SNX29: variants seen among roughly 807,000 people sequenced by gnomAD.
The protein encoded by SNX29 is sorting nexin 29, also known as sorting nexin-29.
In SNX29, 78 loss-of-function variants were observed where a neutral mutation model predicts 102.1. That is an observed-to-expected ratio of 0.76 (90% CI 0.64 to 0.92). The LOEUF (loss-of-function observed/expected upper bound fraction) is 0.92, where lower values mean the gene tolerates loss of function less well. Among genes scored for constraint, SNX29 ranks in the 40% least tolerant of loss-of-function variants. The probability of loss-of-function intolerance (pLI) is 0.00; values close to 1 mark genes in which losing one functional copy is unlikely to be tolerated. For synonymous variants in SNX29, 580 were observed against 414.5 expected, an observed-to-expected ratio of 1.40 and a Z score of -4.85; for missense variants, 1,280 against 1,061.7, an observed-to-expected ratio of 1.21 and a Z score of -2.86.
At chr16:12,233,417 A>G (rs980237715) in intron 14 of SNX29, among the ~76,000 whole-genome samples, 3 of 151,942 alleles carry the variant, frequency 2.0e-5, no homozygotes, top group Admixed American at 6.5e-5. Flanking sequence ...GATGCTAACA[A>G]TAGACACTGG....
intron 18 of SNX29, among the ~76,000 whole-genome samples, chr16:12,472,670 C>G (rs1348874617): frequency 6.6e-6 from 1 of 152,060 alleles, no homozygotes; most frequent in African/African-American, 2.4e-5. Flanking sequence ...CGCTCTTCAT[C>G]TTCTAAAAGA....
At chr16:12,349,505 A>G (rs1436966563) in intron 15 of SNX29, among the ~76,000 whole-genome samples, 1 of 152,256 alleles carries the variant, frequency 6.6e-6, no homozygotes, top group African/African-American at 2.4e-5. Context: ...AAGTCAGCAT[A>G]TTTTGAGTGC....
intron 19 of SNX29, among the ~76,000 whole-genome samples, chr16:12,520,921 G>A (rs556736512): frequency 1.3e-5 from 2 of 152,280 alleles, no homozygotes; most frequent in South Asian, 2.1e-4. Context: ...GTTCAAGGCC[G>A]GGTGCAGTAG....
At chr16:12,054,291 C>G (rs1360108077) in intron 8 of SNX29, among the ~76,000 whole-genome samples, 2 of 152,190 alleles carry the variant, frequency 1.3e-5, no homozygotes, top group Admixed American at 6.5e-5. Context: ...TTTCATGTTT[C>G]TACTTAATTA....
intron 14 of SNX29, among the ~76,000 whole-genome samples, chr16:12,210,325 CT>C (rs5815673): frequency 0.58 from 81,768 of 141,760 alleles, 26,316 homozygotes; most frequent in Non-Finnish European, 0.72. Context: ...GTTCCCTCCA[CT>C]TTTTTTTTTT....
At chr16:12,560,320 TAATGCTGGG>T (rs2078651065) in intron 20 of SNX29, among the ~76,000 whole-genome samples, 1 of 152,000 alleles carries the variant, frequency 6.6e-6, no homozygotes, top group Non-Finnish European at 1.5e-5. Context: ...CATGAAAAAA[TAATGCTGGG>T]TTTACCGAAG....
intron 4 of SNX29, among the ~76,000 whole-genome samples, chr16:12,032,752 G>A (rs1391795942): frequency 6.6e-6 from 1 of 151,894 alleles, no homozygotes; most frequent in Non-Finnish European, 1.5e-5. Context: ...CCATCAGAGG[G>A]TTTTCCATAG....
At chr16:12,182,782 A>C (rs2141845122) in intron 13 of SNX29, among the ~76,000 whole-genome samples, 1 of 152,062 alleles carries the variant, frequency 6.6e-6, no homozygotes, top group East Asian at 1.9e-4. Flanking sequence ...ATGCAAAAAA[A>C]AATTAGCCAG....
chr16:12,085,273 G>A (rs1440742602), intron 11 of SNX29, among the ~76,000 whole-genome samples: 3 of 152,140 alleles, frequency 2.0e-5, no homozygotes, highest in Non-Finnish European at 4.4e-5. Flanking sequence ...AACACAGCAG[G>A]TCCGAGGAGA....
At chr16:12,549,027 G>A (rs1486947767) in intron 20 of SNX29, among the ~76,000 whole-genome samples, 4 of 152,214 alleles carry the variant, frequency 2.6e-5, no homozygotes, top group African/African-American at 9.6e-5. Context: ...AAAAGCTTGT[G>A]GAGTATCTTA....
At chr16:12,205,339 G>C (rs1432672680) in intron 14 of SNX29, among the ~76,000 whole-genome samples, 1 of 152,154 alleles carries the variant, frequency 6.6e-6, no homozygotes, top group Non-Finnish European at 1.5e-5. Context: ...GTGTGTGTAT[G>C]TGTCCCAAGT....
intron 20 of SNX29, among the ~76,000 whole-genome samples, chr16:12,525,654 T>C (rs970307618): frequency 2.7e-5 from 4 of 150,214 alleles, no homozygotes; most frequent in Non-Finnish European, 4.4e-5. Flanking sequence ...ATTGTGCCGC[T>C]GCACTCCAGC....
chr16:12,172,930 A>C (rs548240311), intron 13 of SNX29, among the ~76,000 whole-genome samples: 1 of 152,222 alleles, frequency 6.6e-6, no homozygotes, highest in Non-Finnish European at 1.5e-5. Flanking sequence ...GTGTGAAAGC[A>C]GTGTTGAAGT....
chr16:12,571,708 A>G lies in SNX29; in HGVS notation c.*3079A>G, dbSNP rs1284024223. The G allele has an allele frequency of 2.3e-5, 24 of 1,057,980 alleles. No homozygotes were observed. The highest frequency in any genetic ancestry group is 2.6e-5 in the Non-Finnish European group (23 of 874,092). 65.5% of individuals were successfully genotyped at this position (1,057,980 alleles called of 1,614,324 possible). A position where few individuals can be genotyped will look rare whatever the true frequency, so the allele number is the denominator to read the frequency against. ...TCCTTGAGAGACAACAAAAGCTTCT[A>G]AGGGAGGGAGCTTAAAGGCTGCTAG... On this transcript the variant is annotated 3_prime_UTR_variant, in exon 21 of 21. Coordinates refer to ENST00000566228, the MANE Select transcript of SNX29 (RefSeq NM_032167.5).
chr16:12,535,946 G>A (rs2077065160), intron 20 of SNX29, among the ~76,000 whole-genome samples: 1 of 152,144 alleles, frequency 6.6e-6, no homozygotes, highest in Non-Finnish European at 1.5e-5. Context: ...GGAGGGTTAA[G>A]GAACTTCTGA....
chr16:12,557,175 G>A (rs2078421493), intron 20 of SNX29: 1 of 152,174 alleles, frequency 6.6e-6, no homozygotes, highest in African/African-American at 2.4e-5. Flanking sequence ...CTATGTTCAA[G>A]GTAGATATAC....
chr16:12,364,959 G>A (rs896211806), intron 16 of SNX29, among the ~76,000 whole-genome samples: 2 of 152,024 alleles, frequency 1.3e-5, no homozygotes, highest in Admixed American at 1.3e-4. Flanking sequence ...CTGTGTGTTT[G>A]GTGTGCATTT....
At chr16:12,424,903 CCA>C (rs1190082789) in intron 18 of SNX29, among the ~76,000 whole-genome samples, 1 of 152,170 alleles carries the variant, frequency 6.6e-6, no homozygotes, top group Non-Finnish European at 1.5e-5. Context: ...TACTAATCAA[CCA>C]CATCAATAAA....
At chr16:12,225,825 C>T (rs1009110484) in intron 14 of SNX29, among the ~76,000 whole-genome samples, 4 of 152,200 alleles carry the variant, frequency 2.6e-5, no homozygotes, top group Admixed American at 2.6e-4. Flanking sequence ...GACTTTCTAG[C>T]ATCCAGCCCA....
Sources: allele counts gnomAD v4.1 joint callset (sites outside exome capture counted in the v4.1 genomes callset), GRCh38; gene constraint gnomAD v4.1.1; transcripts MANE v1.5; gene names NCBI Gene and HGNC (gene_info 2026-07-23, HGNC 2026-07-21).